The following FRMD4A variants were observed in gnomAD, a reference collection of about 807,000 sequenced individuals.
FRMD4A encodes the protein FERM domain-containing protein 4A.
FRMD4A carries 29 observed loss-of-function variants against 129.1 expected under a neutral mutation model. The observed-to-expected ratio is 0.22, with a 90% CI of 0.17 to 0.31. FRMD4A has a LOEUF of 0.31. FRMD4A is among the 10% of genes least tolerant of loss of function. FRMD4A has a pLI of 1.00. For synonymous variants in FRMD4A, 634 were observed against 571.6 expected, an observed-to-expected ratio of 1.11 and a Z score of -1.56; for missense variants, 1,272 against 1,375.8, an observed-to-expected ratio of 0.92 and a Z score of 1.19.
chr10:13,857,031 G>T (rs1328232400), intron 3 of FRMD4A, among the ~76,000 whole-genome samples: 1 of 152,138 alleles, frequency 6.6e-6, no homozygotes, highest in Admixed American at 6.5e-5. Context: ...CACTCAATTT[G>T]ATGGTTTCCC....
chr10:13,900,654 T>G (rs189199175), intron 2 of FRMD4A, among the ~76,000 whole-genome samples: 1 of 152,154 alleles, frequency 6.6e-6, no homozygotes, highest in East Asian at 1.9e-4. Flanking sequence ...CCCGGGACTT[T>G]GGGAGGTCGA....
intron 2 of FRMD4A, among the ~76,000 whole-genome samples, chr10:14,090,094 T>C (rs956117818): frequency 9.2e-5 from 14 of 152,140 alleles, no homozygotes; most frequent in Non-Finnish European, 1.3e-4. Context: ...GCTGGGAGAA[T>C]ATTTATAGCA....
chr10:13,857,684 G>A (rs2094232382), intron 3 of FRMD4A, among the ~76,000 whole-genome samples: 1 of 152,146 alleles, frequency 6.6e-6, no homozygotes, highest in African/African-American at 2.4e-5. Context: ...ATGAGCAGAT[G>A]GCATCCTCTC....
At chr10:13,933,316 G>A (rs1193532612) in intron 2 of FRMD4A, among the ~76,000 whole-genome samples, 1 of 152,086 alleles carries the variant, frequency 6.6e-6, no homozygotes, top group Non-Finnish European at 1.5e-5. Context: ...TTTACATAGG[G>A]CATACACCAA....
At chr10:13,867,932 A>G (rs1468410093) in intron 2 of FRMD4A, among the ~76,000 whole-genome samples, 1 of 143,678 alleles carries the variant, frequency 7.0e-6, no homozygotes, top group Non-Finnish European at 1.5e-5. Context: ...AATAAATAAT[A>G]TATATATAAT....
intron 2 of FRMD4A, among the ~76,000 whole-genome samples, chr10:14,026,082 T>C (rs375788271): frequency 6.6e-6 from 1 of 152,198 alleles, no homozygotes; most frequent in South Asian, 2.1e-4. Flanking sequence ...TCTGGTCTCC[T>C]GATTCCAAAC....
chr10:14,218,732 C>A (rs935804535), intron 2 of FRMD4A, among the ~76,000 whole-genome samples: 3 of 151,974 alleles, frequency 2.0e-5, no homozygotes, highest in Non-Finnish European at 4.4e-5. Context: ...TAAACCATAT[C>A]ATTCTGTCTC....
chr10:13,667,153 CCTT>C (rs1304477942), intron 17 of FRMD4A, among the ~76,000 whole-genome samples: 1 of 152,306 alleles, frequency 6.6e-6, no homozygotes, highest in South Asian at 2.1e-4. Context: ...CTCAGACTAT[CCTT>C]CTGCCTTGGC....
At chr10:13,807,230 C>T (rs1196708259) in intron 4 of FRMD4A, among the ~76,000 whole-genome samples, 1 of 152,178 alleles carries the variant, frequency 6.6e-6, no homozygotes, top group Non-Finnish European at 1.5e-5. Flanking sequence ...TAGATGACCA[C>T]CTGTATCTCT....
intron 13 of FRMD4A, among the ~76,000 whole-genome samples, chr10:13,704,674 C>G (rs1280523246): frequency 6.6e-6 from 1 of 152,174 alleles, no homozygotes; most frequent in Non-Finnish European, 1.5e-5. Flanking sequence ...GGCATGAGCT[C>G]TGGAGCCAGA....
At chr10:13,961,876 C>G (rs2095447200) in intron 2 of FRMD4A, among the ~76,000 whole-genome samples, 1 of 152,036 alleles carries the variant, frequency 6.6e-6, no homozygotes, top group Non-Finnish European at 1.5e-5. Flanking sequence ...AGCTCAATGT[C>G]TAGCACATAG....
chr10:13,680,772 C>A (rs1056335143), intron 15 of FRMD4A, among the ~76,000 whole-genome samples: 2 of 151,414 alleles, frequency 1.3e-5, no homozygotes, highest in Admixed American at 1.3e-4. Context: ...ATAGGCTGGG[C>A]GCAGTGGCTC....
At chr10:14,306,480 A>C (rs772999816) in intron 2 of FRMD4A, among the ~76,000 whole-genome samples, 2 of 152,236 alleles carry the variant, frequency 1.3e-5, no homozygotes, top group Non-Finnish European at 2.9e-5. Flanking sequence ...GAGATGACAC[A>C]GAATCTTTTT....
chr10:13,970,041 C>T (rs1213700191), intron 2 of FRMD4A, among the ~76,000 whole-genome samples: 2 of 152,228 alleles, frequency 1.3e-5, no homozygotes, highest in African/African-American at 4.8e-5. Context: ...AAACCAGCCA[C>T]ATTACTGCTT....
chr10:13,971,739 C>T (rs1183463458), intron 2 of FRMD4A: 1 of 1,304,424 alleles, frequency 7.7e-7, no homozygotes, highest in East Asian at 5.5e-5. Context: ...GTCCTCAGCG[C>T]CCGACAAGTC....
intron 2 of FRMD4A, among the ~76,000 whole-genome samples, chr10:14,077,404 A>T (rs544149457): frequency 6.6e-6 from 1 of 152,194 alleles, no homozygotes; most frequent in African/African-American, 2.4e-5. Flanking sequence ...TTTCTCATCT[A>T]TCAAGTGAGA....
At position 14,055,436 on chromosome 10, in the gene FRMD4A, GCTACA is replaced by G. The variant is rs1247988706; in HGVS notation, c.46-196529_46-196525del. Among the ~76,000 whole-genome samples, 478 of 140,872 alleles carry G rather than the reference GCTACA, an allele frequency of 3.4e-3. 7 individuals carry two copies. Among genetic ancestry groups the G allele is most frequent in the African/African-American group, 0.012 (458 of 36,688 alleles). 92.4% of individuals were successfully genotyped at this position (140,872 alleles called of 152,430 possible). ...TGCACTCTATCCCTATGCTGATCTAGCTACACACACACACACACACACACAAACAC... is the reference window on the plus strand; with the variant it reads ...TGCACTCTATCCCTATGCTGATCTAGCACACACACACACACACACAAACAC... On this transcript the variant is annotated intron_variant, in intron 2 of 24. Transcript: ENST00000357447.
At chr10:13,802,610 C>G (rs1414970554) in intron 4 of FRMD4A, among the ~76,000 whole-genome samples, 2 of 151,510 alleles carry the variant, frequency 1.3e-5, no homozygotes, top group African/African-American at 4.9e-5. Context: ...TACCATTGCA[C>G]TTGGGTAATT....
chr10:13,745,996 G>T (rs1350407344), intron 9 of FRMD4A, among the ~76,000 whole-genome samples: 1 of 152,210 alleles, frequency 6.6e-6, no homozygotes, highest in Non-Finnish European at 1.5e-5. Flanking sequence ...ATCCCTGCAA[G>T]TTAACAGATT....
Sources: allele counts gnomAD v4.1 joint callset (sites outside exome capture counted in the v4.1 genomes callset), GRCh38; gene constraint gnomAD v4.1.1; transcripts MANE v1.5; gene names NCBI Gene and HGNC (gene_info 2026-07-23, HGNC 2026-07-21).